Variants in THSD7A observed in about 807,000 individuals in gnomAD.
The protein encoded by THSD7A is thrombospondin type 1 domain containing 7A.
Under a neutral mutation model 231.3 loss-of-function variants are expected in THSD7A, and 96 were observed. That is an observed-to-expected ratio of 0.41 (90% confidence interval 0.35 to 0.49). The LOEUF (loss-of-function observed/expected upper bound fraction) is 0.49, where lower values mean the gene tolerates loss of function less well. Among genes scored for constraint, THSD7A ranks in the 20% least tolerant of loss-of-function variants. THSD7A has a pLI of 0.05. For synonymous variants in THSD7A, 940 were observed against 743.3 expected, an observed-to-expected ratio of 1.26 and a Z score of -4.30; for missense variants, 2,290 against 2,070.2, an observed-to-expected ratio of 1.11 and a Z score of -2.06.
chr7:11,522,146 G>A (rs1039086979), intron 6 of THSD7A, among the ~76,000 whole-genome samples: 39 of 152,104 alleles, frequency 2.6e-4, no homozygotes, highest in African/African-American at 9.2e-4. Flanking sequence ...AAAGTGAGTG[G>A]TAAAGAGCAG....
chr7:11,408,237 G>A (rs777973142), intron 19 of THSD7A, among the ~76,000 whole-genome samples: 16 of 152,074 alleles, frequency 1.1e-4, no homozygotes, highest in African/African-American at 1.9e-4. Context: ...GGCCGGGTGC[G>A]GTGGCTCATG....
intron 2 of THSD7A, among the ~76,000 whole-genome samples, chr7:11,605,852 T>G (rs1355125042): frequency 6.6e-6 from 1 of 152,144 alleles, no homozygotes; most frequent in African/African-American, 2.4e-5. Context: ...GAAGCTATGT[T>G]GCTGCTGGCA....
intron 13 of THSD7A, among the ~76,000 whole-genome samples, chr7:11,432,556 G>A (rs575489084): frequency 6.6e-6 from 1 of 152,036 alleles, no homozygotes; most frequent in Non-Finnish European, 1.5e-5. Context: ...CATGTAAATC[G>A]AATCATATAG....
chr7:11,613,428 C>T (rs1006690918), intron 2 of THSD7A, among the ~76,000 whole-genome samples: 2 of 152,158 alleles, frequency 1.3e-5, no homozygotes, highest in African/African-American at 2.4e-5. Flanking sequence ...CTGGCTGTTA[C>T]GGCTCAGTGG....
intron 4 of THSD7A, among the ~76,000 whole-genome samples, chr7:11,585,104 C>A (rs1171472465): frequency 2.0e-5 from 3 of 152,168 alleles, no homozygotes; most frequent in Non-Finnish European, 4.4e-5. Flanking sequence ...TGATATGTTT[C>A]TTTGCCTTTT....
chr7:11,600,838 A>G (rs989461421), intron 2 of THSD7A, among the ~76,000 whole-genome samples: 11 of 152,202 alleles, frequency 7.2e-5, no homozygotes, highest in African/African-American at 2.7e-4. Context: ...TTGCATTTCC[A>G]GGAGACAATT....
At chr7:11,677,259 T>A (rs1783677750) in intron 1 of THSD7A, among the ~76,000 whole-genome samples, 1 of 151,996 alleles carries the variant, frequency 6.6e-6, no homozygotes, top group Non-Finnish European at 1.5e-5. Flanking sequence ...CAAGGGCTCC[T>A]GAAGGAAACA....
chr7:11,751,192 G>T (rs1782487648), intron 1 of THSD7A: 1 of 152,100 alleles, frequency 6.6e-6, no homozygotes, highest in Admixed American at 6.6e-5. Flanking sequence ...GTTCTGTGCA[G>T]CTGCAGGGGC....
intron 3 of THSD7A, 31 bp downstream of exon 3, chr7:11,593,223 G>A (rs771922500): frequency 5.0e-6 from 8 of 1,605,346 alleles, no homozygotes; most frequent in South Asian, 1.1e-5. Flanking sequence ...TGTAGTTTCG[G>A]CAGACGCTAT....
intron 1 of THSD7A, among the ~76,000 whole-genome samples, chr7:11,658,251 A>C (rs1782783899): frequency 6.6e-6 from 1 of 151,816 alleles, no homozygotes; most frequent in Non-Finnish European, 1.5e-5. Flanking sequence ...ATTGTTGAAA[A>C]TGAAGACATA....
At chr7:11,737,376 A>G (rs940342660) in intron 1 of THSD7A, among the ~76,000 whole-genome samples, 2 of 151,980 alleles carry the variant, frequency 1.3e-5, no homozygotes, top group Non-Finnish European at 2.9e-5. Flanking sequence ...GCTCTTAGCC[A>G]GGCTTGATGT....
At chr7:11,475,793 A>G (rs1301671175) in intron 7 of THSD7A, among the ~76,000 whole-genome samples, 1 of 151,060 alleles carries the variant, frequency 6.6e-6, no homozygotes, top group African/African-American at 2.4e-5. Context: ...ACTTCTGAAG[A>G]TAATTATTTG....
intron 1 of THSD7A, among the ~76,000 whole-genome samples, chr7:11,750,069 G>C (rs1487682003): frequency 2.7e-5 from 4 of 149,758 alleles, no homozygotes; most frequent in Non-Finnish European, 4.4e-5. Flanking sequence ...AATAACTGCA[G>C]GGTGGAATCC....
intron 1 of THSD7A, among the ~76,000 whole-genome samples, chr7:11,699,085 A>G (rs1327992352): frequency 6.6e-6 from 1 of 151,070 alleles, no homozygotes; most frequent in Non-Finnish European, 1.5e-5. Flanking sequence ...TTGTAAGGAA[A>G]TAAATGAACC....
At chr7:11,721,837 G>A (rs138374119) in intron 1 of THSD7A, among the ~76,000 whole-genome samples, 2 of 151,826 alleles carry the variant, frequency 1.3e-5, no homozygotes, top group Non-Finnish European at 2.9e-5. Context: ...AGTATTCCAG[G>A]CCTTCCAAAA....
At chr7:11,512,981 A>G (rs1240705581) in intron 6 of THSD7A, among the ~76,000 whole-genome samples, 1 of 144,608 alleles carries the variant, frequency 6.9e-6, no homozygotes, top group East Asian at 2.0e-4. Flanking sequence ...ACTCAGCCAT[A>G]AAAAGAATGA....
intron 1 of THSD7A, among the ~76,000 whole-genome samples, chr7:11,786,759 T>TAAA (rs58923353): frequency 9.1e-4 from 99 of 108,454 alleles, no homozygotes; most frequent in Non-Finnish European, 1.4e-3. Flanking sequence ...AGTATAATAA[T>TAAA]AAAAAAAAAA....
intron 16 of THSD7A, among the ~76,000 whole-genome samples, chr7:11,419,386 G>A (rs538725652): frequency 6.6e-6 from 1 of 152,188 alleles, no homozygotes; most frequent in Admixed American, 6.5e-5. Flanking sequence ...TTCCCCCTTT[G>A]CTTTTTCTCT....
rs1562427143 is a variant in THSD7A, at chr7:11,636,502, C to T, written c.650G>A (p.Arg217Gln). 3 of 1,613,802 alleles carry T rather than the reference C, an allele frequency of 1.9e-6. No homozygotes were observed. Among genetic ancestry groups the T allele is most frequent in the Non-Finnish European group, 2.5e-6 (3 of 1,179,862 alleles). ...SKTCGSGLQH[R>Q]TRHVVAPPQF... ...CGGGGGCGCCACCACATGACGCGTC[C>T]GGTGCTGGAGCCCGCTGCCGCAGGT... Residue 217 changes from arginine (R) to glutamine (Q), a missense_variant, in exon 2 of 28, where the codon CGG becomes CAG. Coordinates refer to ENST00000423059, the MANE Select transcript of THSD7A (RefSeq NM_015204.3). The surrounding 1 kb of genome is among the most constrained non-coding windows in gnomAD (Gnocchi z 10.0).
Sources: allele counts gnomAD v4.1 joint callset (sites outside exome capture counted in the v4.1 genomes callset), GRCh38; gene constraint gnomAD v4.1.1; non-coding constraint Gnocchi (gnomAD v3.1); transcripts MANE v1.5; gene names NCBI Gene and HGNC (gene_info 2026-07-23, HGNC 2026-07-21).